The following NBEAL1 variants were observed in gnomAD, a reference collection of about 807,000 sequenced individuals.
NBEAL1 encodes the protein neurobeachin like 1.
A neutral mutation model predicts 351.3 loss-of-function variants in NBEAL1; 273 were observed. The observed-to-expected ratio is 0.78, with a 90% CI of 0.70 to 0.86. The LOEUF (loss-of-function observed/expected upper bound fraction) is 0.86, where lower values mean the gene tolerates loss of function less well. NBEAL1 is among the 40% of genes least tolerant of loss of function. The pLI, the probability that NBEAL1 is intolerant of heterozygous loss-of-function variation, is 0.00. For synonymous variants in NBEAL1, 1,050 were observed against 1,086.4 expected, an observed-to-expected ratio of 0.97 and a Z score of 0.66; for missense variants, 2,961 against 3,201.3, an observed-to-expected ratio of 0.92 and a Z score of 1.81.
intron 4 of NBEAL1, among the ~76,000 whole-genome samples, chr2:203,051,153 C>A (rs1355610030): frequency 6.6e-6 from 1 of 152,138 alleles, no homozygotes; most frequent in Non-Finnish European, 1.5e-5. Context: ...AAACATTTCA[C>A]CCCTAATTTA....
intron 43 of NBEAL1, chr2:203,181,623 T>C (rs372722892): frequency 6.6e-6 from 1 of 152,192 alleles, no homozygotes; most frequent in Non-Finnish European, 1.5e-5. Flanking sequence ...TATTACCAAC[T>C]TTTTTCCCTG....
rs756584710 is a variant in NBEAL1 at position 203,136,063 on chromosome 2, G to C, written c.4200G>C (p.Leu1400Phe). The change falls in exon 28 of 56, where the codon TTG becomes TTC. Residue 1400 changes from leucine to phenylalanine, a missense_variant. Transcript: ENST00000683969. ...TCTGGCATAGTAACCCTTCACATTT[G>C]AGTTTAGACCTCAGTGGAATTGACT... ...EEFWHSNPSHLSLDLSGIDSC... is the reference protein window; with the variant it reads ...EEFWHSNPSHFSLDLSGIDSC... 1.9e-6 allele frequency: 3 copies of C among 1,613,614 alleles called. No individual in the cohort carries two copies. The African/African-American group carries it at 4.0e-5, about 22-fold the overall frequency.
At chr2:203,216,607 A>T (rs1032010361) in intron 55 of NBEAL1, among the ~76,000 whole-genome samples, 6 of 152,114 alleles carry the variant, frequency 3.9e-5, no homozygotes, top group Admixed American at 3.3e-4. Flanking sequence ...TAAAAATTTT[A>T]AAAAAGAATA....
At chr2:203,142,190 C>G (rs1172563526) in intron 31 of NBEAL1, among the ~76,000 whole-genome samples, 1 of 152,118 alleles carries the variant, frequency 6.6e-6, no homozygotes, top group Admixed American at 6.5e-5. Context: ...GAGTCTTGCT[C>G]TTTTGCCCAT....
intron 35 of NBEAL1, among the ~76,000 whole-genome samples, 184 bp from the exon 36 acceptor site, chr2:203,157,515 A>G (rs1249841611): frequency 6.6e-6 from 1 of 152,124 alleles, no homozygotes; most frequent in Admixed American, 6.6e-5. Flanking sequence ...TACCTTATGA[A>G]TAGTAGTGGT....
At chr2:203,210,400 G>A (rs1236187770) in intron 53 of NBEAL1, among the ~76,000 whole-genome samples, 4 of 143,824 alleles carry the variant, frequency 2.8e-5, no homozygotes, top group African/African-American at 1.0e-4. Flanking sequence ...AGTGGCTCAC[G>A]CCTGTAATGC....
intron 9 of NBEAL1, among the ~76,000 whole-genome samples, chr2:203,083,933 T>C (rs1393559874): frequency 1.3e-5 from 2 of 151,908 alleles, no homozygotes; most frequent in Middle Eastern, 3.2e-3. Context: ...ATCTGCCCTT[T>C]CTCTAGAGGG....
chr2:203,054,657 C>T (rs1430261475), intron 4 of NBEAL1, among the ~76,000 whole-genome samples: 3 of 151,956 alleles, frequency 2.0e-5, no homozygotes, highest in Non-Finnish European at 4.4e-5. Context: ...AAACTTGTGT[C>T]GCCTTCTCAT....
intron 2 of NBEAL1, chr2:203,040,441 C>G (rs1212888733): frequency 1.4e-6 from 1 of 720,250 alleles, no homozygotes; most frequent in South Asian, 1.4e-5. Context: ...AAGACTTCGC[C>G]TGAAGAAAAT....
chr2:203,217,189 A>C, intron 55 of NBEAL1, 64 bp from the exon 56 acceptor site: 1 of 1,227,186 alleles, frequency 8.1e-7, no homozygotes, highest in Middle Eastern at 2.3e-4. Context: ...TCAGTGTCTT[A>C]CATATCTTTT....
chr2:203,137,486 G>A (rs977509915), intron 29 of NBEAL1, among the ~76,000 whole-genome samples: 4 of 152,160 alleles, frequency 2.6e-5, no homozygotes, highest in African/African-American at 9.7e-5. Flanking sequence ...AAGACTCTCT[G>A]TAAGGCATAA....
chr2:203,060,804 A>G (rs764063572), intron 6 of NBEAL1, among the ~76,000 whole-genome samples: 79 of 152,342 alleles, frequency 5.2e-4, no homozygotes, highest in Non-Finnish European at 1.0e-3. Flanking sequence ...ACATTTATAG[A>G]ATTTCTTACT....
Position 203,132,230 on chromosome 2 carries a change from T to C in NBEAL1, c.3724+98T>C, listed in dbSNP as rs1559389671. 5 of 816,982 alleles carry C rather than the reference T, an allele frequency of 6.1e-6. No individual in the cohort carries two copies. In the East Asian group the frequency reaches 1.4e-4, roughly 23 times the overall value. The allele number at this position is 816,982 out of a possible 1,614,324, so 50.6% of individuals were successfully genotyped here. On this transcript the variant is annotated intron_variant, in intron 26 of 55. Transcript: ENST00000683969. The stretch of plus-strand genomic sequence containing the variant: ...CAGGCTGCTTTTAAAATATCTGTTA[T>C]TTGATTCAGCAGGGCCTTCCTTGGA...
rs1402632018 is a variant in NBEAL1, at chr2:203,157,779, G to A, written c.5668G>A (p.Asp1890Asn). The change falls in exon 36 of 56, where the codon GAT (aspartate) becomes AAT (asparagine). Residue 1890 changes from aspartate to asparagine, a missense_variant. Transcript: ENST00000683969. Reference sequence around the variant, plus strand: ...AGTAAAAGTTAGTGATATGGTGGAGGATAAATTAGACCTTCCTGAAGAGGA... The same window carrying A: ...AGTAAAAGTTAGTGATATGGTGGAGAATAAATTAGACCTTCCTGAAGAGGA... ...KQVKVSDMVEDKLDLPEEDIT... is the reference protein window; with the variant it reads ...KQVKVSDMVENKLDLPEEDIT... The A allele has an allele frequency of 1.9e-6, 3 of 1,593,320 alleles. No homozygotes were observed. Among genetic ancestry groups the A allele is most frequent in the Non-Finnish European group, 1.7e-6 (2 of 1,170,116 alleles).
intron 33 of NBEAL1, among the ~76,000 whole-genome samples, chr2:203,146,774 G>A (rs1438911572): frequency 6.6e-6 from 1 of 151,564 alleles, no homozygotes; most frequent in Admixed American, 6.6e-5. Flanking sequence ...GTGTAGATGA[G>A]CAGCAAGACT....
intron 2 of NBEAL1, among the ~76,000 whole-genome samples, chr2:203,025,818 A>G (rs1488931029): frequency 6.6e-6 from 1 of 152,094 alleles, no homozygotes; most frequent in African/African-American, 2.4e-5. Flanking sequence ...GTTCCATGAT[A>G]TGAGTCAGTA....
At chr2:203,107,378 C>A in intron 12 of NBEAL1, 42 bp from the exon 13 acceptor site, 1 of 972,588 alleles carries the variant, frequency 1.0e-6, no homozygotes, top group Non-Finnish European at 1.5e-6. Context: ...CATATTCAGT[C>A]TTTGAAAATG....
At chr2:203,178,339 G>A (rs2064588481) in intron 42 of NBEAL1, among the ~76,000 whole-genome samples, 1 of 151,670 alleles carries the variant, frequency 6.6e-6, no homozygotes, top group Admixed American at 6.6e-5. Context: ...TAACTTTTTT[G>A]TATATTTGGT....
intron 29 of NBEAL1, 63 bp from the exon 30 acceptor site, chr2:203,138,099 T>C: frequency 6.5e-7 from 1 of 1,527,826 alleles, no homozygotes. Context: ...TTGTTTTGTT[T>C]TTAATGTCCT....
Sources: allele counts gnomAD v4.1 joint callset (sites outside exome capture counted in the v4.1 genomes callset), GRCh38; gene constraint gnomAD v4.1.1; transcripts MANE v1.5; gene names NCBI Gene and HGNC (gene_info 2026-07-23, HGNC 2026-07-21).